The following ZSWIM4 variants were observed in gnomAD, a reference collection of about 807,000 sequenced individuals.
ZSWIM4 encodes zinc finger SWIM domain-containing protein 4.
In ZSWIM4, 62 loss-of-function variants were observed where a neutral mutation model predicts 102.5. That is an observed-to-expected ratio of 0.60 (90% CI 0.49 to 0.75). The LOEUF is 0.75. ZSWIM4 is among the 30% of genes least tolerant of loss of function. The pLI, the probability that ZSWIM4 is intolerant of heterozygous loss-of-function variation, is 0.00. For synonymous variants in ZSWIM4, 652 were observed against 674.5 expected, an observed-to-expected ratio of 0.97 and a Z score of 0.52; for missense variants, 1,280 against 1,529.6, an observed-to-expected ratio of 0.84 and a Z score of 2.72.
chr19:13,822,717 C>G (rs747052689), intron 10 of ZSWIM4, among the ~76,000 whole-genome samples: 1 of 152,120 alleles, frequency 6.6e-6, no homozygotes, highest in Non-Finnish European at 1.5e-5. Flanking sequence ...CCATGGTTCA[C>G]GCCTATAATC....
chr19:13,830,462 CG>C lies in ZSWIM4; in HGVS notation c.2734del (p.Ala912ArgfsTer102). On this transcript the variant is annotated frameshift_variant, in exon 14 of 14. Coordinates refer to ENST00000590508, the MANE Select transcript of ZSWIM4 (RefSeq NM_001367834.3). LOFTEE classifies it high-confidence loss of function. ...FEAAYQIVLDAAAGGLGHAHL... is the reference protein window; with the variant it reads ...FEAAYQIVLDXAAGGLGHAHL... ...AGGCGGCCTACCAGATCGTGCTGGA[CG>C]CGGCGGCCGGCGGCCTGGGCCACGC... The C allele has an allele frequency of 6.2e-7, 1 of 1,604,798 alleles. No homozygotes were observed. Among genetic ancestry groups the C allele is most frequent in the Middle Eastern group, 1.6e-4 (1 of 6,062 alleles).
In ZSWIM4 at chr19:13,804,744, G is replaced by A. The variant is rs764094375; in HGVS notation, c.356-48G>A. 9.4e-6 allele frequency: 14 copies of A among 1,485,126 alleles called. No homozygotes were observed. In the African/African-American group the frequency reaches 9.7e-5, roughly 10 times the overall value. 92.0% of individuals were successfully genotyped at this position (1,485,126 alleles called of 1,614,324 possible). A position where few individuals can be genotyped will look rare whatever the true frequency, so the allele number is the denominator to read the frequency against. ...GGTCTTGCTGTGTACCACAAACACC[G>A]CCTGTCTCTGGGATGACACGGATGC... On this transcript the variant is annotated intron_variant, in intron 2 of 13. Coordinates refer to ENST00000590508, the MANE Select transcript of ZSWIM4 (RefSeq NM_001367834.3).
rs948660174 is a variant in ZSWIM4, at chr19:13,825,790, G to A, written c.2379+77G>A. On this transcript the variant is annotated intron_variant, in intron 12 of 13. Transcript: ENST00000590508. The surrounding 1 kb of genome is among the most constrained non-coding windows in gnomAD (Gnocchi z 4.6). Reference sequence around the variant, plus strand: ...CTGACTGTGAGCTGCGCCTCCCGGGGCATGGGCTGAGTGTGAGCCACTTCG... The same window carrying A: ...CTGACTGTGAGCTGCGCCTCCCGGGACATGGGCTGAGTGTGAGCCACTTCG... 4.4e-5 allele frequency: 66 copies of A among 1,509,870 alleles called. No homozygotes were observed. Among genetic ancestry groups the A allele is most frequent in the Non-Finnish European group, 4.9e-5 (55 of 1,130,540 alleles). The allele number at this position is 1,509,870 out of a possible 1,614,324, so 93.5% of individuals were successfully genotyped here.
intron 6 of ZSWIM4, among the ~76,000 whole-genome samples, chr19:13,814,058 T>C (rs1568336048): frequency 6.8e-6 from 1 of 148,076 alleles, no homozygotes; most frequent in Non-Finnish European, 1.5e-5. Context: ...CATACACGCA[T>C]CCTTTTTTTT....
At chr19:13,821,046 G>T (rs931978699) in intron 10 of ZSWIM4, among the ~76,000 whole-genome samples, 2 of 152,174 alleles carry the variant, frequency 1.3e-5, no homozygotes, top group African/African-American at 4.8e-5. Flanking sequence ...CACTTTGGGA[G>T]GCCAAGGCGG....
chr19:13,799,333 G>C lies in ZSWIM4; in HGVS notation c.154-387G>C, dbSNP rs146709514. On this transcript the variant is annotated intron_variant, in intron 1 of 13. Coordinates refer to ENST00000590508, the MANE Select transcript of ZSWIM4 (RefSeq NM_001367834.3). ...CTGTCACCCAGGCTGGAGTGCAGTG[G>C]CATGATCTCAGCTCACTGCAGCCTC... Among the ~76,000 whole-genome samples, 814 of 149,154 alleles carry C rather than the reference G, an allele frequency of 5.5e-3. 6 individuals are homozygous for C. Among genetic ancestry groups the C allele is most frequent in the African/African-American group, 0.019 (767 of 40,160 alleles).
intron 10 of ZSWIM4, among the ~76,000 whole-genome samples, 170 bp downstream of exon 10, chr19:13,819,662 TTTA>T (rs1975409429): frequency 6.7e-6 from 1 of 148,178 alleles, no homozygotes; most frequent in Admixed American, 6.6e-5. Context: ...TTATTATTTA[TTTA>T]TTTATTTATT....
intron 5 of ZSWIM4, among the ~76,000 whole-genome samples, chr19:13,811,260 C>T (rs748593188): frequency 2.6e-5 from 4 of 152,152 alleles, no homozygotes; most frequent in Non-Finnish European, 4.4e-5. Flanking sequence ...TTCAGCCCTG[C>T]AGGCCATCTG....
chr19:13,818,724 C>T lies in ZSWIM4; in HGVS notation c.1925-633C>T, dbSNP rs866881860. Among the ~76,000 whole-genome samples, 161 of 149,854 alleles carry T rather than the reference C, an allele frequency of 1.1e-3. 1 individual carries two copies. Among genetic ancestry groups the T allele is most frequent in the Middle Eastern group, 7.4e-3 (2 of 272 alleles). ...GATTACAGGCGTGCGCCACCACACC[C>T]GGCTGATTTTTGTATTTTTAGTAGA... On this transcript the variant is annotated intron_variant, in intron 9 of 13. Coordinates refer to ENST00000590508, the MANE Select transcript of ZSWIM4 (RefSeq NM_001367834.3).
At chr19:13,802,376 A>G (rs1409010560) in intron 2 of ZSWIM4, among the ~76,000 whole-genome samples, 4 of 150,578 alleles carry the variant, frequency 2.7e-5, no homozygotes, top group Non-Finnish European at 5.9e-5. Flanking sequence ...ACCTAAGGTC[A>G]GGAGTTCAGC....
At chr19:13,798,298 C>G (rs1974663428) in intron 1 of ZSWIM4, among the ~76,000 whole-genome samples, 1 of 152,124 alleles carries the variant, frequency 6.6e-6, no homozygotes, top group African/African-American at 2.4e-5. Flanking sequence ...ACCACCACAC[C>G]TGGCTAATTT....
rs168288 is a variant in ZSWIM4, at chr19:13,825,038, T to G, written c.2216-512T>G. Among the ~76,000 whole-genome samples the G allele has an allele frequency of 2.0e-3, 249 of 121,514 alleles. 3 individuals are homozygous for G. Among genetic ancestry groups the G allele is most frequent in the African/African-American group, 9.8e-3 (236 of 24,136 alleles). 79.7% of individuals were successfully genotyped at this position (121,514 alleles called of 152,430 possible). On this transcript the variant is annotated intron_variant, in intron 11 of 13. Coordinates refer to ENST00000590508, the MANE Select transcript of ZSWIM4 (RefSeq NM_001367834.3). The surrounding 1 kb of genome is among the most constrained non-coding windows in gnomAD (Gnocchi z 4.6). The stretch of plus-strand genomic sequence containing the variant: ...GTCCATAGGATCCCTAGGTGGCTTT[T>G]CTTTTCTTTTTTTTTTTTTTGAGAT...
In ZSWIM4 at chr19:13,804,823, A is replaced by G. The variant is rs755392957; in HGVS notation, c.387A>G (p.Pro129=). 1.9e-6 allele frequency: 3 copies of G among 1,599,170 alleles called. No homozygotes were observed. The highest frequency in any genetic ancestry group is 1.1e-5 in the South Asian group (1 of 90,474). ...ACCTGAGCGGAAACATCCGCGAGCC[A>G]GGGAGTCCTGGAGAGCCCGAGCGCC... The part of the protein sequence containing the change: ...GFHLSGNIRE[P]GSPGEPERLY... Residue 129 remains proline (P), a synonymous_variant, in exon 3 of 14, where the codon CCA becomes CCG. Coordinates refer to ENST00000590508, the MANE Select transcript of ZSWIM4 (RefSeq NM_001367834.3).
intron 1 of ZSWIM4, among the ~76,000 whole-genome samples, chr19:13,799,274 CTTTT>C (rs33931479): frequency 2.5e-5 from 3 of 117,718 alleles, no homozygotes; most frequent in Non-Finnish European, 5.3e-5. Flanking sequence ...ATTTTTTTAT[CTTTT>C]TTTTTTTTTT....
chr19:13,820,441 G>A (rs1975431844), intron 10 of ZSWIM4, among the ~76,000 whole-genome samples: 1 of 152,140 alleles, frequency 6.6e-6, no homozygotes, highest in African/African-American at 2.4e-5. Flanking sequence ...TCACCATGTT[G>A]CTCAGGCTGG....
intron 1 of ZSWIM4, among the ~76,000 whole-genome samples, 166 bp from the exon 2 acceptor site, chr19:13,799,554 G>T (rs1974698660): frequency 6.6e-6 from 1 of 151,976 alleles, no homozygotes; most frequent in Non-Finnish European, 1.5e-5. Flanking sequence ...GGGATTACAG[G>T]CGTGAGCCAT....
At chr19:13,805,602 A>G (rs1298392231) in intron 3 of ZSWIM4, among the ~76,000 whole-genome samples, 1 of 151,886 alleles carries the variant, frequency 6.6e-6, no homozygotes, top group Non-Finnish European at 1.5e-5. Context: ...TGGGTTGCCT[A>G]GCTAGGATGG....
At chr19:13,827,930 G>A (rs1301111737) in intron 12 of ZSWIM4, among the ~76,000 whole-genome samples, 1 of 152,152 alleles carries the variant, frequency 6.6e-6, no homozygotes, top group Non-Finnish European at 1.5e-5. Flanking sequence ...TTTCAGGAGC[G>A]AAGGGACAGG....
rs371847941 is a variant in ZSWIM4, at chr19:13,799,736, C to T, written c.170C>T (p.Ser57Phe). The change falls in exon 2 of 14, where the codon TCC becomes TTC. Residue 57 changes from serine to phenylalanine, a missense_variant. Physicochemically the swap from Ser to Phe is radical, Grantham distance 155. Coordinates refer to ENST00000590508, the MANE Select transcript of ZSWIM4 (RefSeq NM_001367834.3). The part of the protein sequence containing the change: ...WAFEQVEERF[S>F]RVPEPVQKRI... ...TTCCTACAGGTGGAGGAGCGGTTCT[C>T]CCGGGTGCCTGAGCCCGTCCAGAAG... The T allele has an allele frequency of 1.2e-6, 2 of 1,614,048 alleles. No individual in the cohort carries two copies. The highest frequency in any genetic ancestry group is 1.1e-5 in the South Asian group (1 of 91,082).
Sources: gnomAD v4.1 joint callset for allele counts (sites outside exome capture counted in the v4.1 genomes callset) on GRCh38, gnomAD v4.1.1 for gene constraint, Gnocchi (gnomAD v3.1) non-coding constraint, MANE v1.5 for transcripts, NCBI Gene and HGNC (gene_info 2026-07-23, HGNC 2026-07-21) for gene names.